Variants in FBXL12 observed in about 807,000 individuals in gnomAD.
The protein encoded by FBXL12 is F-box and leucine rich repeat protein 12.
FBXL12 carries 22 observed loss-of-function variants against 24.9 expected under a neutral mutation model. That is an observed-to-expected ratio of 0.88 (90% CI 0.63 to 1.26). FBXL12 has a LOEUF of 1.26. FBXL12 is among the 50% of genes most tolerant of loss of function. The probability of loss-of-function intolerance (pLI) is 0.00; values close to 1 mark genes in which losing one functional copy is unlikely to be tolerated. For missense variants in FBXL12, 384 were observed against 434.1 expected (o/e 0.88, Z 1.03); for synonymous variants, 193 against 193.8 (o/e 1.00, Z 0.03).
At chr19:9,818,338 T>G in intron 2 of FBXL12, 1 of 600,840 alleles carries the variant, frequency 1.7e-6, no homozygotes, top group Non-Finnish European at 3.0e-6. Context: ...GCAGGTACTG[T>G]CCTTTATCCC....
chr19:9,812,945 C>T (rs1348625677), intron 2 of FBXL12, among the ~76,000 whole-genome samples: 3 of 151,834 alleles, frequency 2.0e-5, no homozygotes, highest in South Asian at 2.1e-4. Flanking sequence ...TGGTGGTGCA[C>T]GCCTGTAATC....
intron 2 of FBXL12, among the ~76,000 whole-genome samples, chr19:9,817,170 T>C (rs1178019404): frequency 2.6e-5 from 4 of 152,100 alleles, no homozygotes; most frequent in Admixed American, 2.6e-4. Flanking sequence ...GAAAGAAACA[T>C]GTTTTAATGA....
chr19:9,816,903 T>G (rs1286757257), intron 2 of FBXL12, among the ~76,000 whole-genome samples: 1 of 152,170 alleles, frequency 6.6e-6, no homozygotes, highest in African/African-American at 2.4e-5. Flanking sequence ...CTCAAAATCA[T>G]GGCGGGAGGT....
intron 2 of FBXL12, among the ~76,000 whole-genome samples, chr19:9,817,779 C>T (rs527836591): frequency 1.3e-5 from 2 of 152,252 alleles, no homozygotes; most frequent in African/African-American, 2.4e-5. Context: ...CAGCATTACC[C>T]GAAGTTCAGA....
In FBXL12 at chr19:9,810,544, C is replaced by T. The variant is rs1405919884; in HGVS notation, c.*352G>A. 1 of 196,490 alleles carries T rather than the reference C, an allele frequency of 5.1e-6. No individual in the cohort carries two copies. Among genetic ancestry groups the T allele is most frequent in the East Asian group, 1.2e-4 (1 of 8,648 alleles). The allele number at this position is 196,490 out of a possible 1,614,324, so 12.2% of individuals were successfully genotyped here. A position where few individuals can be genotyped will look rare whatever the true frequency, so the allele number is the denominator to read the frequency against. The stretch of plus-strand genomic sequence containing the variant: ...GTGCCCCTGAGTCTTAACCCCACCC[C>T]TTCTTCATCCGTCCTGTTCCTGAAG... On this transcript the variant is annotated 3_prime_UTR_variant, in exon 3 of 3. Coordinates refer to ENST00000247977, the MANE Select transcript of FBXL12 (RefSeq NM_017703.3).
At chr19:9,815,187 G>T (rs2045853452) in intron 2 of FBXL12, among the ~76,000 whole-genome samples, 1 of 152,144 alleles carries the variant, frequency 6.6e-6, no homozygotes, top group Non-Finnish European at 1.5e-5. Flanking sequence ...AAACAAAGGG[G>T]TTACAGGGCC....
intron 2 of FBXL12, among the ~76,000 whole-genome samples, chr19:9,816,502 C>T (rs137988892): frequency 6.6e-6 from 1 of 152,318 alleles, no homozygotes; most frequent in African/African-American, 2.4e-5. Flanking sequence ...GGGCAAAATG[C>T]CATCAGTCTC....
intron 2 of FBXL12, among the ~76,000 whole-genome samples, chr19:9,815,811 C>T (rs553278822): frequency 1.8e-4 from 28 of 152,248 alleles, no homozygotes; most frequent in African/African-American, 5.3e-4. Context: ...TGCGCCACCA[C>T]GCATTTGTTG....
chr19:9,811,682 C>T lies in FBXL12; in HGVS notation c.195G>A (p.Arg65=), dbSNP rs772765385. 4.6e-6 allele frequency: 7 copies of T among 1,514,056 alleles called. No individual in the cohort carries two copies. Among genetic ancestry groups the T allele is most frequent in the Middle Eastern group, 1.8e-4 (1 of 5,580 alleles). The allele number at this position is 1,514,056 out of a possible 1,614,324, so 93.8% of individuals were successfully genotyped here. The change falls in exon 3 of 3, where the codon AGG becomes AGA. Residue 65 remains arginine, a synonymous_variant. Transcript: ENST00000247977. This position sits in a 1 kb window ranked among gnomAD's most constrained non-coding sequence, Gnocchi z 6.0. ...RPKVMWHLLR[R]YMASRLHSLR... ...GGGAATGGAGCCGGGATGCCATGTA[C>T]CTTCGAAGGAGGTGCCACATGACTT...
At chr19:9,818,475 T>A in intron 2 of FBXL12, 70 bp downstream of exon 2, 1 of 1,472,192 alleles carries the variant, frequency 6.8e-7, no homozygotes. Context: ...AGTCCCAGGG[T>A]GGGAGAGGTG....
At chr19:9,813,154 A>T (rs1464739038) in intron 2 of FBXL12, 3 of 886,790 alleles carry the variant, frequency 3.4e-6, no homozygotes, top group Admixed American at 4.3e-5. Context: ...GAAAATAAAA[A>T]ATATATATAA....
intron 2 of FBXL12, chr19:9,813,454 G>C (rs2045806660): frequency 3.1e-6 from 1 of 318,972 alleles, no homozygotes; most frequent in Non-Finnish European, 5.6e-6. Flanking sequence ...TCGTGCCTTA[G>C]CCTCCTGAGT....
In FBXL12 at chr19:9,818,925, A is replaced by T; in HGVS notation, c.-112T>A. On this transcript the variant is annotated 5_prime_UTR_variant, in exon 1 of 3. Coordinates refer to ENST00000247977, the MANE Select transcript of FBXL12 (RefSeq NM_017703.3). ...CGACCTTCCCGTAGCCGGTCGAGAA[A>T]TTTGACCTTCCTCTCGCTGGGAAGT... 9.9e-7 allele frequency: 1 copy of T among 1,007,358 alleles called. No homozygotes were observed. The highest frequency in any genetic ancestry group is 1.5e-6 in the Non-Finnish European group (1 of 683,798). 62.4% of individuals were successfully genotyped at this position (1,007,358 alleles called of 1,614,324 possible).
intron 2 of FBXL12, chr19:9,818,094 T>A: frequency 2.6e-6 from 1 of 384,060 alleles, no homozygotes; most frequent in South Asian, 1.3e-4. Flanking sequence ...CGCCCGTGGT[T>A]CCAGCTACTC....
Position 9,811,294 on chromosome 19 carries a change from C to T in FBXL12, c.583G>A (p.Asp195Asn). The change falls in exon 3 of 3, where the codon GAT (aspartate) becomes AAT (asparagine). Residue 195 changes from aspartate to asparagine, a missense_variant. Coordinates refer to ENST00000247977, the MANE Select transcript of FBXL12 (RefSeq NM_017703.3). This position sits in a 1 kb window ranked among gnomAD's most constrained non-coding sequence, Gnocchi z 6.0. ...TAGCTGAGCTCCTGCAGGCCAGCAT[C>T]CAGCCCTGTCTCGGTCACACGGTAG... The part of the protein sequence containing the change: ...GTYRVTETGL[D>N]AGLQELSYLQ... 1 of 1,609,598 alleles carries T rather than the reference C, an allele frequency of 6.2e-7. No individual in the cohort carries two copies. The highest frequency in any genetic ancestry group is 8.5e-7 in the Non-Finnish European group (1 of 1,179,970).
chr19:9,814,919 A>G (rs1467151877), intron 2 of FBXL12, among the ~76,000 whole-genome samples: 2 of 143,802 alleles, frequency 1.4e-5, no homozygotes, highest in East Asian at 3.9e-4. Flanking sequence ...CAGCCAAACT[A>G]TATCATTCCA....
chr19:9,814,212 G>A lies in FBXL12; in HGVS notation c.160-2495C>T, dbSNP rs769320959. ...CACTTCTTACATGGCGGCAGCAAGA[G>A]AAAATGAGAAAGAAGCCCGGGCGCA... On this transcript the variant is annotated intron_variant, in intron 2 of 2. Coordinates refer to ENST00000247977, the MANE Select transcript of FBXL12 (RefSeq NM_017703.3). The A allele has an allele frequency of 3.5e-4, 56 of 161,602 alleles. 1 individual carries two copies. The highest frequency in any genetic ancestry group is 2.3e-4 in the Non-Finnish European group (17 of 75,310). 10.0% of individuals were successfully genotyped at this position (161,602 alleles called of 1,614,324 possible). A position where few individuals can be genotyped will look rare whatever the true frequency, so the allele number is the denominator to read the frequency against.
In FBXL12 at chr19:9,811,079, T is replaced by G. The variant is rs747164002; in HGVS notation, c.798A>C (p.Pro266=). The G allele has an allele frequency of 6.2e-7, 1 of 1,611,244 alleles. No individual in the cohort carries two copies. Residue 266 remains proline (P), a synonymous_variant, in exon 3 of 3, where the codon CCA becomes CCC. Transcript: ENST00000247977. The surrounding 1 kb of genome is among the most constrained non-coding windows in gnomAD (Gnocchi z 6.0). ...SLCLQGPLVT[P]EMPSPTEILS... is the part of the protein sequence containing the mutation. Reference sequence around the variant, plus strand: ...GGATTTCAGTGGGGGAGGGCATTTCTGGGGTGACGAGGGGACCCTGCAGGC... The same window carrying G: ...GGATTTCAGTGGGGGAGGGCATTTCGGGGGTGACGAGGGGACCCTGCAGGC...
In FBXL12 at chr19:9,819,029, CTTGCGGGAGGT is replaced by C. The variant is rs1235031942; in HGVS notation, c.-227_-217del. On this transcript the variant is annotated 5_prime_UTR_variant, in exon 1 of 3. Transcript: ENST00000247977. ...AAAGCGTGGCTGAGGCAGTGAGAGG[CTTGCGGGAGGT>C]GGCTGAGGCGTGATTTGGCCGCGAC... The C allele has an allele frequency of 1.7e-6, 1 of 590,558 alleles. No individual in the cohort carries two copies. The highest frequency in any genetic ancestry group is 3.1e-5 in the Admixed American group (1 of 32,522). The allele number at this position is 590,558 out of a possible 1,614,324, so 36.6% of individuals were successfully genotyped here. A position where few individuals can be genotyped will look rare whatever the true frequency, so the allele number is the denominator to read the frequency against.
Sources: allele counts gnomAD v4.1 joint callset (sites outside exome capture counted in the v4.1 genomes callset), GRCh38; gene constraint gnomAD v4.1.1; non-coding constraint Gnocchi (gnomAD v3.1); transcripts MANE v1.5; gene names NCBI Gene and HGNC (gene_info 2026-07-23, HGNC 2026-07-21).